LRIG2: variants seen among roughly 807,000 people sequenced by gnomAD.
LRIG2 encodes the protein leucine rich repeats and immunoglobulin like domains 2, also known as leucine-rich repeats and immunoglobulin-like domains protein 2.
LRIG2 carries 93 observed loss-of-function variants against 107.8 expected under a neutral mutation model. The observed-to-expected ratio is 0.86, with a 90% confidence interval of 0.73 to 1.03. The LOEUF is 1.03. Among genes scored for constraint, LRIG2 ranks in the 50% least tolerant of loss-of-function variants. LRIG2 has a pLI of 0.00. For missense variants in LRIG2, 1,226 were observed against 1,296.0 expected, an observed-to-expected ratio of 0.95 and a Z score of 0.83; for synonymous variants, 471 against 470.6, an observed-to-expected ratio of 1.00 and a Z score of -0.01.
Position 113,112,632 on chromosome 1 carries a change from T to C in LRIG2, c.1952T>C (p.Met651Thr), listed in dbSNP as rs780788199. The C allele has an allele frequency of 1.9e-6, 3 of 1,614,098 alleles. No homozygotes were observed. In the East Asian group the frequency reaches 6.7e-5, roughly 36 times the overall value. The change falls in exon 14 of 18, where the codon ATG (methionine) becomes ACG (threonine). Residue 651 changes from methionine (M) to threonine (T), a missense_variant. Met to Thr is a moderately conservative substitution (Grantham distance 81, BLOSUM62 -1). Transcript: ENST00000361127. ...TTTCCTGCGGCTCGAGAAAGACGCA[T>C]GCACGTCATGCCCGAGGATGACGTC... Reference protein sequence around the residue: ...TDFPAARERRMHVMPEDDVFF... With the variant: ...TDFPAARERRTHVMPEDDVFF...
intron 15 of LRIG2, among the ~76,000 whole-genome samples, chr1:113,115,775 C>G (rs1654980679): frequency 6.6e-6 from 1 of 152,170 alleles, no homozygotes; most frequent in Non-Finnish European, 1.5e-5. Flanking sequence ...ATCCACCCAC[C>G]TTGGCCTCCC....
chr1:113,096,057 T>C (rs767838874), intron 7 of LRIG2, 40 bp downstream of exon 7: 1 of 1,611,846 alleles, frequency 6.2e-7, no homozygotes, highest in Non-Finnish European at 8.5e-7. Flanking sequence ...CAGTTAAGAC[T>C]AGAGCAGATT....
At chr1:113,097,512 A>G (rs1319618616) in intron 8 of LRIG2, among the ~76,000 whole-genome samples, 1 of 152,188 alleles carries the variant, frequency 6.6e-6, no homozygotes, top group Non-Finnish European at 1.5e-5. Flanking sequence ...ATTAAAAGTG[A>G]TTGTATTTTT....
chr1:113,121,937 G>C (rs568611510), intron 17 of LRIG2, among the ~76,000 whole-genome samples: 1 of 152,070 alleles, frequency 6.6e-6, no homozygotes, highest in Non-Finnish European at 1.5e-5. Context: ...CAAGATGGTA[G>C]TGAGGGCACA....
chr1:113,098,999 C>T (rs539147213), intron 9 of LRIG2, among the ~76,000 whole-genome samples: 13 of 152,096 alleles, frequency 8.5e-5, no homozygotes, highest in African/African-American at 2.9e-4. Context: ...GGCACGATCT[C>T]GGCTCACTAC....
At chr1:113,086,301 G>A (rs1345786061) in intron 1 of LRIG2, among the ~76,000 whole-genome samples, 7 of 152,016 alleles carry the variant, frequency 4.6e-5, no homozygotes, top group Non-Finnish European at 8.8e-5. Flanking sequence ...CACTGTGCCC[G>A]GCCGAGTATT....
chr1:113,100,536 CT>C (rs766229657), intron 11 of LRIG2, 48 bp downstream of exon 11: 1 of 1,109,308 alleles, frequency 9.0e-7, no homozygotes, highest in South Asian at 1.3e-5. Flanking sequence ...ATTGTTCCTG[CT>C]TGTTGTGCTT....
chr1:113,112,265 C>T (rs968677110), intron 13 of LRIG2, among the ~76,000 whole-genome samples: 4 of 152,050 alleles, frequency 2.6e-5, no homozygotes, highest in African/African-American at 9.7e-5. Flanking sequence ...TGTACTCCCG[C>T]CTGGACAGCA....
At position 113,114,803 on chromosome 1, in the gene LRIG2, C is replaced by A; in HGVS notation, c.2457C>A (p.Gly819=). 2 of 1,614,100 alleles carry A rather than the reference C, an allele frequency of 1.2e-6. No homozygotes were observed. Residue 819 remains glycine (G), a synonymous_variant, in exon 15 of 18, where the codon GGC becomes GGA. Transcript: ENST00000361127. ...TTGTTGTGGTCTGCTGTGTTGTTGG[C>A]ACTTCTTTGATCTGGGTCATTGTTA... ...VIIVVVCCVV[G]TSLIWVIVIY...
chr1:113,083,719 A>G (rs867216611), intron 1 of LRIG2, among the ~76,000 whole-genome samples: 56 of 151,540 alleles, frequency 3.7e-4, no homozygotes, highest in South Asian at 2.7e-3. Flanking sequence ...TTGGGTTATT[A>G]GATGGATTTC....
At chr1:113,102,137 G>T (rs1402673244) in intron 11 of LRIG2, among the ~76,000 whole-genome samples, 1 of 152,194 alleles carries the variant, frequency 6.6e-6, no homozygotes, top group Non-Finnish European at 1.5e-5. Context: ...GGCTTTCCAG[G>T]CACAAGGAGT....
At position 113,127,448 on chromosome 1, in the gene LRIG2, T is replaced by C. The variant is rs1655524376; in HGVS notation, c.*3347T>C. 6.7e-6 allele frequency: 1 copy of C among 149,910 alleles called. No individual in the cohort carries two copies. The highest frequency in any genetic ancestry group is 2.5e-5 in the African/African-American group (1 of 40,492). 9.3% of individuals were successfully genotyped at this position (149,910 alleles called of 1,614,324 possible). ...GGTTTCACCATGTTGGCCAGGCTGG[T>C]CTTGAACTCCTGACCTCAGGTGATC... On this transcript the variant is annotated 3_prime_UTR_variant, in exon 18 of 18. Transcript: ENST00000361127.
intron 6 of LRIG2, among the ~76,000 whole-genome samples, chr1:113,095,282 A>G (rs1211787729): frequency 1.4e-5 from 2 of 143,284 alleles, no homozygotes; most frequent in Non-Finnish European, 3.1e-5. Flanking sequence ...AAAAGTTTAT[A>G]TTCTTAATGT....
chr1:113,099,410 T>A (rs61158663), intron 9 of LRIG2, among the ~76,000 whole-genome samples: 5,005 of 147,222 alleles, frequency 0.034, 308 homozygotes, highest in East Asian at 0.27. Context: ...CTAATTAAAA[T>A]TTTTTTTTTT....
At chr1:113,076,467 A>T (rs1052017986) in intron 1 of LRIG2, among the ~76,000 whole-genome samples, 1 of 152,258 alleles carries the variant, frequency 6.6e-6, no homozygotes, top group Admixed American at 6.5e-5. Flanking sequence ...TAATGAAATG[A>T]CATTTTCAGT....
At chr1:113,119,201 A>T (rs1233436508) in intron 16 of LRIG2, 32 bp from the exon 17 acceptor site, 4 of 1,581,666 alleles carry the variant, frequency 2.5e-6, no homozygotes, top group Non-Finnish European at 3.4e-6. Context: ...TCCTTAACAG[A>T]AAGATATTTA....
intron 1 of LRIG2, among the ~76,000 whole-genome samples, chr1:113,088,519 C>T (rs963120804): frequency 5.9e-5 from 9 of 152,110 alleles, no homozygotes; most frequent in Non-Finnish European, 1.3e-4. Flanking sequence ...TGAATACAGT[C>T]AAGAGTTACA....
intron 17 of LRIG2, among the ~76,000 whole-genome samples, chr1:113,122,175 C>T (rs566408512): frequency 6.6e-6 from 1 of 150,444 alleles, no homozygotes; most frequent in East Asian, 2.0e-4. Flanking sequence ...CTCCGCTTTC[C>T]GGGTTCAAGC....
intron 11 of LRIG2, among the ~76,000 whole-genome samples, chr1:113,101,901 T>A (rs572174053): frequency 1.3e-5 from 2 of 152,324 alleles, no homozygotes; most frequent in Admixed American, 6.5e-5. Flanking sequence ...GTCTCTGTAC[T>A]CATAGCATAT....
Sources: allele counts gnomAD v4.1 joint callset (sites outside exome capture counted in the v4.1 genomes callset), GRCh38; gene constraint gnomAD v4.1.1; transcripts MANE v1.5; gene names NCBI Gene and HGNC (gene_info 2026-07-23, HGNC 2026-07-21).